The following SIL1 variants were observed in gnomAD, a reference collection of about 807,000 sequenced individuals.
SIL1 encodes nucleotide exchange factor SIL1.
SIL1 carries 40 observed loss-of-function variants against 49.1 expected under a neutral mutation model. That is an observed-to-expected ratio of 0.81 (90% CI 0.63 to 1.06). SIL1 has a LOEUF of 1.06. SIL1 is among the 50% of genes least tolerant of loss of function. The pLI, the probability that SIL1 is intolerant of heterozygous loss-of-function variation, is 0.00. For missense variants in SIL1, 500 were observed against 572.6 expected, an observed-to-expected ratio of 0.87 and a Z score of 1.29; for synonymous variants, 253 against 250.8, an observed-to-expected ratio of 1.01 and a Z score of -0.08.
In SIL1 at chr5:138,990,539, C is replaced by T. The variant is rs1425652509; in HGVS notation, c.767+30632G>A. 3.9e-5 allele frequency among the ~76,000 whole-genome samples: 6 copies of T among 152,266 alleles called. No homozygotes were observed. In the East Asian group the frequency reaches 7.7e-4, roughly 20 times the overall value. ...GCGTTATCATGGCTCACTGCAGCCT[C>T]GACCTCCCAGGTTCAAGGGATCCTC... On this transcript the variant is annotated intron_variant, in intron 7 of 9. Transcript: ENST00000394817.
chr5:139,127,641 T>C (rs773950348), intron 2 of SIL1, 98 bp downstream of exon 2: 12 of 944,178 alleles, frequency 1.3e-5, no homozygotes, highest in Middle Eastern at 3.1e-4. Context: ...GAAAGAAACA[T>C]AGAAGCCCAC....
In SIL1 at chr5:139,039,282, CAG is replaced by C. The variant is rs1174990780; in HGVS notation, c.453+3336_453+3337del. Among the ~76,000 whole-genome samples, 8 of 152,274 alleles carry C rather than the reference CAG, an allele frequency of 5.3e-5. No homozygotes were observed. The East Asian group carries it at 1.5e-3, about 29-fold the overall frequency. On this transcript the variant is annotated intron_variant, in intron 5 of 9. Transcript: ENST00000394817. ...CTCCTGGCGACCCTGGTGGAGGAAT[CAG>C]AGTACAGCTTGCTACTACCACCAAA...
intron 1 of SIL1, among the ~76,000 whole-genome samples, chr5:139,153,897 A>G (rs1314584705): frequency 1.3e-5 from 2 of 152,156 alleles, no homozygotes; most frequent in Non-Finnish European, 2.9e-5. Context: ...GTCCTTCCTC[A>G]TTCTTACAGA....
intron 7 of SIL1, among the ~76,000 whole-genome samples, chr5:139,001,171 C>CA (rs925223276): frequency 5.3e-5 from 8 of 152,034 alleles, no homozygotes; most frequent in Admixed American, 5.2e-4. Context: ...ATCAAATTGG[C>CA]AAAAAATAGA....
chr5:139,017,680 T>C (rs756499207), intron 7 of SIL1, among the ~76,000 whole-genome samples: 2 of 151,970 alleles, frequency 1.3e-5, no homozygotes, highest in Non-Finnish European at 1.5e-5. Flanking sequence ...AGGAGATATA[T>C]AGGGAGCTAA....
At chr5:139,041,818 C>CAAAAAAAAAAA (rs536666463) in intron 5 of SIL1, among the ~76,000 whole-genome samples, 8 of 86,314 alleles carry the variant, frequency 9.3e-5, no homozygotes, top group Admixed American at 3.8e-4. Flanking sequence ...AACTCAAAAA[C>CAAAAAAAAAAA]AAAAAAAAAA....
intron 1 of SIL1, among the ~76,000 whole-genome samples, chr5:139,195,026 G>A (rs1047986132): frequency 8.1e-5 from 12 of 148,410 alleles, no homozygotes; most frequent in African/African-American, 9.9e-5. Flanking sequence ...TCCGCCTCCC[G>A]AGTTCAAGTG....
At chr5:139,188,578 C>T (rs1331954331) in intron 1 of SIL1, among the ~76,000 whole-genome samples, 1 of 152,198 alleles carries the variant, frequency 6.6e-6, no homozygotes, top group Non-Finnish European at 1.5e-5. Flanking sequence ...ACCAGTTGTA[C>T]ATCTCAAAGA....
chr5:138,980,367 G>A (rs1054290468), intron 7 of SIL1, among the ~76,000 whole-genome samples: 4 of 152,178 alleles, frequency 2.6e-5, no homozygotes, highest in East Asian at 3.9e-4. Context: ...GGTGTGGTAT[G>A]GGTGCTTAAA....
chr5:138,955,262 G>A (rs560762163), intron 7 of SIL1, among the ~76,000 whole-genome samples: 1 of 152,350 alleles, frequency 6.6e-6, no homozygotes, highest in Admixed American at 6.5e-5. Flanking sequence ...TGCGATAAAT[G>A]AGAATAAACC....
At chr5:139,101,568 C>A (rs1021175851) in intron 3 of SIL1, among the ~76,000 whole-genome samples, 5 of 152,184 alleles carry the variant, frequency 3.3e-5, no homozygotes, top group South Asian at 2.1e-4. Context: ...TTTCTCTTCC[C>A]CCCAAAATAG....
chr5:139,078,450 T>C (rs1192229862), intron 3 of SIL1, among the ~76,000 whole-genome samples: 1 of 152,222 alleles, frequency 6.6e-6, no homozygotes, highest in Non-Finnish European at 1.5e-5. Context: ...TTTTAGAATA[T>C]AGGTCTTGAA....
chr5:139,026,296 C>G (rs1166808779), intron 6 of SIL1, among the ~76,000 whole-genome samples: 1 of 152,094 alleles, frequency 6.6e-6, no homozygotes, highest in African/African-American at 2.4e-5. Context: ...GAAGGTACCA[C>G]TCCACATGAA....
intron 7 of SIL1, among the ~76,000 whole-genome samples, chr5:138,973,579 A>C (rs1359294566): frequency 1.3e-5 from 2 of 152,094 alleles, no homozygotes; most frequent in African/African-American, 4.8e-5. Context: ...CTCCTGTTGC[A>C]GCTTCCTATG....
chr5:138,946,883 C>T lies in SIL1; in HGVS notation c.*234G>A, dbSNP rs1561798799. 1 of 569,106 alleles carries T rather than the reference C, an allele frequency of 1.8e-6. No homozygotes were observed. The highest frequency in any genetic ancestry group is 3.2e-6 in the Non-Finnish European group (1 of 315,756). The allele number at this position is 569,106 out of a possible 1,614,324, so 35.3% of individuals were successfully genotyped here. On this transcript the variant is annotated 3_prime_UTR_variant, in exon 10 of 10. Transcript: ENST00000394817. ...GCCCTGGAGCCTGTTCCTGGATGCC[C>T]TGGGCTGAGCCCTGCACGTCAGCAG...
At chr5:139,171,724 A>C (rs1253717775) in intron 1 of SIL1, among the ~76,000 whole-genome samples, 1 of 147,864 alleles carries the variant, frequency 6.8e-6, no homozygotes, top group South Asian at 2.1e-4. Context: ...AAAAAAAATA[A>C]AAAAGAAAAA....
intron 7 of SIL1, among the ~76,000 whole-genome samples, chr5:139,011,661 C>T (rs538311755): frequency 2.4e-4 from 36 of 152,192 alleles, no homozygotes; most frequent in South Asian, 2.1e-3. Context: ...GTTTGATTAT[C>T]TGTTTCTGCT....
intron 9 of SIL1, among the ~76,000 whole-genome samples, chr5:138,950,885 G>T (rs1339654863): frequency 6.6e-6 from 1 of 152,182 alleles, no homozygotes; most frequent in Non-Finnish European, 1.5e-5. Flanking sequence ...GCTGCTCCAA[G>T]GCTTGCCTCA....
chr5:139,090,988 T>A (rs1180021955), intron 3 of SIL1, among the ~76,000 whole-genome samples: 1 of 152,188 alleles, frequency 6.6e-6, no homozygotes, highest in South Asian at 2.1e-4. Context: ...CCATGTCTTA[T>A]GCCTACATGT....
Sources: gnomAD v4.1 joint callset for allele counts (sites outside exome capture counted in the v4.1 genomes callset) on GRCh38, gnomAD v4.1.1 for gene constraint, MANE v1.5 for transcripts, NCBI Gene and HGNC (gene_info 2026-07-23, HGNC 2026-07-21) for gene names.